MARK1: variants seen among roughly 807,000 people sequenced by gnomAD.
The protein encoded by MARK1 is microtubule affinity regulating kinase 1, also known as serine/threonine-protein kinase MARK1.
In MARK1, 40 loss-of-function variants were observed where a neutral mutation model predicts 96.3. The observed-to-expected ratio is 0.42, with a 90% confidence interval of 0.32 to 0.54. The LOEUF (loss-of-function observed/expected upper bound fraction) is 0.54. Ranked by LOEUF, MARK1 falls within the 20% of genes least tolerant of loss-of-function variation. MARK1 has a pLI of 0.16. For synonymous variants in MARK1, 317 were observed against 341.2 expected (o/e 0.93, Z 0.78); for missense variants, 719 against 984.6 (o/e 0.73, Z 3.61).
At chr1:220,552,488 G>T (rs904854855) in intron 1 of MARK1, among the ~76,000 whole-genome samples, 1 of 152,120 alleles carries the variant, frequency 6.6e-6, no homozygotes, top group Non-Finnish European at 1.5e-5. Flanking sequence ...ATCTTCAAAA[G>T]ATTGTTTTAT....
At chr1:220,536,287 C>T (rs1370724640) in intron 1 of MARK1, among the ~76,000 whole-genome samples, 1 of 151,728 alleles carries the variant, frequency 6.6e-6, no homozygotes, top group African/African-American at 2.4e-5. Flanking sequence ...CTGCCTAGGA[C>T]TTCTAATACT....
At chr1:220,607,138 T>G (rs1666127807) in intron 6 of MARK1, among the ~76,000 whole-genome samples, 1 of 152,202 alleles carries the variant, frequency 6.6e-6, no homozygotes, top group South Asian at 2.1e-4. Flanking sequence ...ACAATATTGA[T>G]TCTTCCTATC....
Position 220,662,202 on chromosome 1 carries a change from A to G in MARK1, c.*36A>G, listed in dbSNP as rs1011909546. On this transcript the variant is annotated 3_prime_UTR_variant, in exon 18 of 18. Transcript: ENST00000366917. ...ATTTACAGGTTCAGGGAAGATACAT[A>G]CATATATGAGGTACAGTTTTTGAAT... The G allele has an allele frequency of 3.4e-6, 5 of 1,489,174 alleles. No homozygotes were observed. Among genetic ancestry groups the G allele is most frequent in the Non-Finnish European group, 4.6e-6 (5 of 1,085,888 alleles). The allele number at this position is 1,489,174 out of a possible 1,614,324, so 92.2% of individuals were successfully genotyped here.
intron 6 of MARK1, among the ~76,000 whole-genome samples, chr1:220,608,412 A>AT (rs1453997946): frequency 6.6e-6 from 1 of 152,088 alleles, no homozygotes; most frequent in Non-Finnish European, 1.5e-5. Flanking sequence ...CCCCTTTATC[A>AT]TTTTTTATGG....
chr1:220,542,203 G>A (rs1257151858), intron 1 of MARK1, among the ~76,000 whole-genome samples: 1 of 151,916 alleles, frequency 6.6e-6, no homozygotes, highest in Admixed American at 6.6e-5. Flanking sequence ...TAGATTCTTG[G>A]ACTTTGCTTA....
chr1:220,556,994 A>G (rs1205389207), intron 1 of MARK1, among the ~76,000 whole-genome samples: 2 of 152,174 alleles, frequency 1.3e-5, no homozygotes, highest in Non-Finnish European at 1.5e-5. Context: ...AGTATTTGAA[A>G]GATTGTGGCT....
intron 17 of MARK1, among the ~76,000 whole-genome samples, chr1:220,661,296 A>T (rs1553340202): frequency 6.6e-6 from 1 of 152,156 alleles, no homozygotes; most frequent in Admixed American, 6.5e-5. Flanking sequence ...GGACATTGAG[A>T]TGTGTGGTAT....
intron 2 of MARK1, among the ~76,000 whole-genome samples, chr1:220,579,857 C>T (rs1245487951): frequency 6.6e-6 from 1 of 152,178 alleles, no homozygotes; most frequent in Non-Finnish European, 1.5e-5. Context: ...ATTGCCATTG[C>T]TGCCCAGCCC....
intron 3 of MARK1, among the ~76,000 whole-genome samples, chr1:220,589,375 G>A (rs1476235250): frequency 1.3e-5 from 2 of 152,160 alleles, no homozygotes; most frequent in East Asian, 1.9e-4. Flanking sequence ...GGAACAAAGA[G>A]CAGTTGAGAA....
In MARK1 at chr1:220,635,437, A is replaced by G; in HGVS notation, c.1184A>G (p.Asp395Gly). The G allele has an allele frequency of 6.2e-7, 1 of 1,612,546 alleles. No individual in the cohort carries two copies. The highest frequency in any genetic ancestry group is 8.5e-7 in the Non-Finnish European group (1 of 1,179,810). ...NLCQRSRPSS[D>G]LNNSTLQSPA... ...TGTCAGAGGTCCCGGCCCAGTAGTG[A>G]CTTAAACAACAGCACTCTTCAGTCC... The change falls in exon 12 of 18, where the codon GAC (aspartate) becomes GGC (glycine). Residue 395 changes from aspartate (D) to glycine (G), a missense_variant. Around this residue, in one of 4 missense-constraint regions of MARK1, gnomAD observed 501 missense variants for 588.3 expected, o/e 0.85. Coordinates refer to ENST00000366917, the MANE Select transcript of MARK1 (RefSeq NM_018650.5).
At chr1:220,644,721 AAT>A (rs1668487923) in intron 13 of MARK1, among the ~76,000 whole-genome samples, 1 of 152,212 alleles carries the variant, frequency 6.6e-6, no homozygotes, top group Admixed American at 6.5e-5. Context: ...CTGAAATCAT[AAT>A]AGTCTCCCAG....
At chr1:220,659,206 C>T (rs965980467) in intron 17 of MARK1, among the ~76,000 whole-genome samples, 1 of 151,968 alleles carries the variant, frequency 6.6e-6, no homozygotes, top group Non-Finnish European at 1.5e-5. Flanking sequence ...TTTGAACTGA[C>T]TTATTGAATA....
At chr1:220,540,103 A>G (rs1281426156) in intron 1 of MARK1, among the ~76,000 whole-genome samples, 2 of 152,146 alleles carry the variant, frequency 1.3e-5, no homozygotes, top group Non-Finnish European at 2.9e-5. Context: ...TAGTTTTTGT[A>G]GGTTTATTAG....
intron 1 of MARK1, among the ~76,000 whole-genome samples, chr1:220,537,788 G>A (rs1353340707): frequency 6.6e-6 from 1 of 151,804 alleles, no homozygotes; most frequent in Non-Finnish European, 1.5e-5. Context: ...TCTAACTGGT[G>A]TGAGATGGTA....
intron 11 of MARK1, 43 bp downstream of exon 11, chr1:220,632,356 A>G (rs1334748439): frequency 7.0e-6 from 6 of 861,536 alleles, no homozygotes; most frequent in South Asian, 3.6e-5. Flanking sequence ...TTATTTCTTG[A>G]GCTAATATAT....
Position 220,662,001 on chromosome 1 carries a change from C to T in MARK1, c.2223C>T (p.Phe741=), listed in dbSNP as rs781456915. 6.2e-7 allele frequency: 1 copy of T among 1,614,170 alleles called. No homozygotes were observed. The highest frequency in any genetic ancestry group is 8.5e-7 in the Non-Finnish European group (1 of 1,180,032). ...AGCAAAAAGAGAGATTTTTGCTTTT[C>T]TGTGTCCATGGAGACGCTAGACAGG... ...DYEQKERFLL[F]CVHGDARQDS... Residue 741 remains phenylalanine, a synonymous_variant, in exon 18 of 18, where the codon TTC becomes TTT. Coordinates refer to ENST00000366917, the MANE Select transcript of MARK1 (RefSeq NM_018650.5).
At chr1:220,637,800 GA>G (rs796892241) in intron 13 of MARK1, among the ~76,000 whole-genome samples, 41 of 132,916 alleles carry the variant, frequency 3.1e-4, no homozygotes, top group South Asian at 9.8e-4. Context: ...CCAGCAGAAG[GA>G]AAAAAAAAAA....
At chr1:220,626,689 G>A (rs1393381593) in intron 9 of MARK1, among the ~76,000 whole-genome samples, 1 of 152,072 alleles carries the variant, frequency 6.6e-6, no homozygotes, top group Non-Finnish European at 1.5e-5. Flanking sequence ...AGACATGGTG[G>A]TGCACTTCTG....
At chr1:220,532,755 C>T (rs12089684) in intron 1 of MARK1, among the ~76,000 whole-genome samples, 3,436 of 152,038 alleles carry the variant, frequency 0.023, 134 homozygotes, top group African/African-American at 0.078. Context: ...CCTCTAATCC[C>T]AGCACTTTGT....
Sources: gnomAD v4.1 joint callset for allele counts (sites outside exome capture counted in the v4.1 genomes callset) on GRCh38, gnomAD v4.1.1 for gene constraint, gnomAD v4.1.1 regional missense constraint, MANE v1.5 for transcripts, NCBI Gene and HGNC (gene_info 2026-07-23, HGNC 2026-07-21) for gene names.